UMOD: variants seen among roughly 807,000 people sequenced by gnomAD.
The protein encoded by UMOD is Tamm-Horsfall urinary glycoprotein.
Under a neutral mutation model 66.0 loss-of-function variants are expected in UMOD, and 64 were observed. That is an observed-to-expected ratio of 0.97 (90% confidence interval 0.79 to 1.19). The LOEUF (loss-of-function observed/expected upper bound fraction) is 1.19. Among genes scored for constraint, UMOD ranks in the 50% most tolerant of loss-of-function variants. UMOD has a pLI of 0.00. For missense variants in UMOD, 764 were observed against 850.9 expected, an observed-to-expected ratio of 0.90 and a Z score of 1.27; for synonymous variants, 398 against 352.7, an observed-to-expected ratio of 1.13 and a Z score of -1.44.
intron 4 of UMOD, 152 bp from the exon 5 acceptor site, chr16:20,346,486 G>A: frequency 2.6e-6 from 2 of 771,602 alleles, no homozygotes; most frequent in Non-Finnish European, 4.4e-6. Context: ...ATGTGATGGG[G>A]ACTCAAGATT....
upstream of UMOD, chr16:20,356,266 C>T (rs1966027038): frequency 6.6e-6 from 1 of 152,300 alleles, no homozygotes; most frequent in South Asian, 2.1e-4. Flanking sequence ...CATTCTCTGG[C>T]TCGTGGCCTG....
chr16:20,341,458 G>A, intron 6 of UMOD, 122 bp from the exon 7 acceptor site: 2 of 1,542,752 alleles, frequency 1.3e-6, no homozygotes, highest in Non-Finnish European at 1.7e-6. Flanking sequence ...CCAGCAATAA[G>A]AGTGGAACCC....
intron 5 of UMOD, among the ~76,000 whole-genome samples, chr16:20,345,384 C>CTTTTCTTTTTTTTT (rs1965485342): frequency 6.9e-6 from 1 of 145,804 alleles, no homozygotes; most frequent in Admixed American, 6.9e-5. Context: ...TTCCTTCCTT[C>CTTTTCTTTTTTTTT]CTTTCTTTTC....
intron 1 of UMOD, chr16:20,351,114 A>G (rs1965869009): frequency 8.7e-6 from 3 of 346,746 alleles, no homozygotes; most frequent in Non-Finnish European, 5.6e-6. Context: ...CAGATGGAAT[A>G]GTGTTCTGGA....
At chr16:20,335,386 C>A in intron 10 of UMOD, 96 bp downstream of exon 10, 2 of 1,315,630 alleles carry the variant, frequency 1.5e-6, no homozygotes, top group South Asian at 2.4e-5. Context: ...TAACACCTCC[C>A]TTATAGAGTT....
intron 2 of UMOD, 100 bp from the exon 3 acceptor site, chr16:20,349,312 C>T (rs1965774086): frequency 3.6e-6 from 5 of 1,370,590 alleles, no homozygotes; most frequent in Non-Finnish European, 4.0e-6. Flanking sequence ...ATTTTTAAGA[C>T]TTATTCCCTA....
upstream of UMOD, among the ~76,000 whole-genome samples, chr16:20,355,349 C>T (rs1210570733): frequency 1.3e-5 from 2 of 151,946 alleles, no homozygotes; most frequent in Non-Finnish European, 2.9e-5. Flanking sequence ...TTGAACGAAC[C>T]TTAATCTCTC....
rs755374625 is a variant in UMOD at position 20,346,121 on chromosome 16, C to T, written c.1182+5G>A. On this transcript the variant is annotated splice_donor_5th_base_variant and intron_variant, in intron 5 of 10. Transcript: ENST00000396138. ...TGGTTCTGTCCCCCACTGGCCAGGA[C>T]GTACCGTCAACACTGTCCCACAGGG... 3.5e-5 allele frequency: 56 copies of T among 1,613,126 alleles called. No individual in the cohort carries two copies. The highest frequency in any genetic ancestry group is 2.3e-4 in the Admixed American group (14 of 60,010).
chr16:20,348,075 T>G, intron 4 of UMOD, 148 bp downstream of exon 4: 2 of 763,862 alleles, frequency 2.6e-6, no homozygotes, highest in Non-Finnish European at 2.3e-6. Flanking sequence ...CTTTAATGGG[T>G]ATTAGTGGAT....
intron 3 of UMOD, 34 bp downstream of exon 3, chr16:20,348,402 C>T: frequency 6.2e-7 from 1 of 1,614,148 alleles, no homozygotes; most frequent in Non-Finnish European, 8.5e-7. Flanking sequence ...CTTTCCAGGC[C>T]TGGGATGAGG....
intron 1 of UMOD, 106 bp from the exon 2 acceptor site, chr16:20,350,945 T>C (rs911780084): frequency 2.6e-5 from 32 of 1,215,468 alleles, no homozygotes; most frequent in East Asian, 1.1e-4. Context: ...GTGTCACTTA[T>C]ATGGACTAAA....
At chr16:20,349,361 A>G (rs1280679951) in intron 2 of UMOD, 149 bp from the exon 3 acceptor site, 1 of 873,910 alleles carries the variant, frequency 1.1e-6, no homozygotes, top group Non-Finnish European at 1.8e-6. Flanking sequence ...GCAAAGAAAC[A>G]AAACTCCTCT....
chr16:20,336,856 T>C, intron 8 of UMOD, 129 bp from the exon 9 acceptor site: 1 of 780,672 alleles, frequency 1.3e-6, no homozygotes, highest in South Asian at 1.5e-5. Context: ...AGGAGACCTG[T>C]ATACCGGGGC....
chr16:20,338,253 TGTGAGGGCTCCAC>T (rs1467072230), intron 7 of UMOD, among the ~76,000 whole-genome samples: 2 of 152,234 alleles, frequency 1.3e-5, no homozygotes, highest in African/African-American at 4.8e-5. Flanking sequence ...CAGTATGGCC[TGTGAGGGCTCCAC>T]GTGCTCAAGC....
chr16:20,341,122 C>A lies in UMOD; in HGVS notation c.1546G>T (p.Asp516Tyr), dbSNP rs765306732. Residue 516 changes from aspartate to tyrosine, a missense_variant, in exon 7 of 11, where the codon GAC (aspartate) becomes TAC (tyrosine). Asp to Tyr is a radical substitution (Grantham distance 160). Coordinates refer to ENST00000396138, the MANE Select transcript of UMOD (RefSeq NM_003361.4). ...TGGATGATGAAGTACTTCAGGGGGTCCGTGGCATTGCTACTGGGTGTGGCA... is the reference window on the plus strand; with the variant it reads ...TGGATGATGAAGTACTTCAGGGGGTACGTGGCATTGCTACTGGGTGTGGCA... ...CYATPSSNAT[D>Y]PLKYFIIQDR... 1 of 1,614,110 alleles carries A rather than the reference C, an allele frequency of 6.2e-7. No homozygotes were observed. The highest frequency in any genetic ancestry group is 1.3e-5 in the African/African-American group (1 of 75,016).
At chr16:20,355,004 A>G (rs1054210562), upstream of UMOD, among the ~76,000 whole-genome samples, 6 of 152,168 alleles carry the variant, frequency 3.9e-5, no homozygotes, top group Non-Finnish European at 8.8e-5. Flanking sequence ...CTCTGAAATT[A>G]TTCAAACTAA....
At chr16:20,337,221 T>C (rs1964924044) in intron 8 of UMOD, 70 bp downstream of exon 8, 18 of 1,577,800 alleles carry the variant, frequency 1.1e-5, no homozygotes, top group South Asian at 2.3e-5. Context: ...GAAGAAATAT[T>C]GATTTGTTTT....
chr16:20,348,936 G>A lies in UMOD; in HGVS notation c.365C>T (p.Ala122Val), dbSNP rs1965747707. ...CACCACATTGACACATGTGGCCAGG[G>A]CGTGGCAGTGGCTAAGCCCAGGCTC... ...CAEPGLSHCH[A>V]LATCVNVVGS... is the part of the protein sequence containing the mutation. The change falls in exon 3 of 11, where the codon GCC becomes GTC. Residue 122 changes from alanine to valine, a missense_variant. By Grantham distance (64) the Ala-to-Val change is moderately conservative. Transcript: ENST00000396138. 4 of 1,571,482 alleles carry A rather than the reference G, an allele frequency of 2.5e-6. No individual in the cohort carries two copies. Among genetic ancestry groups the A allele is most frequent in the African/African-American group, 1.4e-5 (1 of 74,032 alleles).
chr16:20,349,613 G>C lies in UMOD; in HGVS notation c.89-401C>G, dbSNP rs935464729. On this transcript the variant is annotated intron_variant, in intron 2 of 10. Coordinates refer to ENST00000396138, the MANE Select transcript of UMOD (RefSeq NM_003361.4). ...CCACAGGCACGTGCAATCGCGCCCA[G>C]CTCCACCATTCATTTTTTGTGTTAA... 5 of 1,410,202 alleles carry C rather than the reference G, an allele frequency of 3.5e-6. No homozygotes were observed. The African/African-American group carries it at 5.8e-5, about 16-fold the overall frequency. The allele number at this position is 1,410,202 out of a possible 1,614,324, so 87.4% of individuals were successfully genotyped here. A position where few individuals can be genotyped will look rare whatever the true frequency, so the allele number is the denominator to read the frequency against.
Sources: gnomAD v4.1 joint callset for allele counts (sites outside exome capture counted in the v4.1 genomes callset) on GRCh38, gnomAD v4.1.1 for gene constraint, MANE v1.5 for transcripts, NCBI Gene and HGNC (gene_info 2026-07-23, HGNC 2026-07-21) for gene names.